ZNF385B: variants seen among roughly 807,000 people sequenced by gnomAD.
The protein encoded by ZNF385B is zinc finger protein 533.
A neutral mutation model predicts 39.2 loss-of-function variants in ZNF385B; 23 were observed. The observed-to-expected ratio is 0.59, with a 90% CI of 0.42 to 0.83. ZNF385B has a LOEUF of 0.83. ZNF385B is among the 40% of genes least tolerant of loss of function. The pLI is 0.00. For synonymous variants in ZNF385B, 205 were observed against 222.6 expected (o/e 0.92, Z 0.70); for missense variants, 552 against 598.9 (o/e 0.92, Z 0.82).
chr2:179,482,997 G>T (rs1212426558), intron 6 of ZNF385B, among the ~76,000 whole-genome samples: 2 of 151,150 alleles, frequency 1.3e-5, no homozygotes, highest in Non-Finnish European at 2.9e-5. Flanking sequence ...TGATCAAGTA[G>T]TCTCTACTTG....
chr2:179,491,554 A>C (rs568282925), intron 5 of ZNF385B, among the ~76,000 whole-genome samples: 1 of 152,326 alleles, frequency 6.6e-6, no homozygotes, highest in Non-Finnish European at 1.5e-5. Context: ...ACATAATCTT[A>C]AATATGAAAT....
intron 3 of ZNF385B, among the ~76,000 whole-genome samples, chr2:179,738,111 G>A (rs1701877121): frequency 6.6e-6 from 1 of 152,068 alleles, no homozygotes; most frequent in Non-Finnish European, 1.5e-5. Context: ...TGAGGTATCT[G>A]TACCATGTCC....
chr2:179,851,421 G>A (rs1684140837), intron 1 of ZNF385B, among the ~76,000 whole-genome samples: 1 of 152,200 alleles, frequency 6.6e-6, no homozygotes, highest in Non-Finnish European at 1.5e-5. Context: ...CTGCATTCCA[G>A]TCTGGGTGAC....
chr2:179,449,551 G>C (rs2049865586), intron 6 of ZNF385B, among the ~76,000 whole-genome samples: 3 of 152,150 alleles, frequency 2.0e-5, no homozygotes, highest in Non-Finnish European at 4.4e-5. Flanking sequence ...CAAGGGACAT[G>C]AAGGACCTCT....
chr2:179,519,185 C>G (rs2058310492), intron 4 of ZNF385B, among the ~76,000 whole-genome samples: 1 of 152,192 alleles, frequency 6.6e-6, no homozygotes, highest in African/African-American at 2.4e-5. Context: ...GGCAACAATA[C>G]TTAAGATGGC....
intron 4 of ZNF385B, among the ~76,000 whole-genome samples, chr2:179,542,709 AC>A (rs1300929364): frequency 2.0e-5 from 3 of 152,164 alleles, no homozygotes; most frequent in African/African-American, 7.2e-5. Context: ...CATTTTGATA[AC>A]AAAAAAAGTG....
intron 3 of ZNF385B, among the ~76,000 whole-genome samples, chr2:179,687,859 T>A (rs1469210764): frequency 1.3e-5 from 2 of 152,246 alleles, no homozygotes; most frequent in African/African-American, 4.8e-5. Context: ...AGTGAAAGTA[T>A]TTGTTCAATT....
chr2:179,647,941 G>A (rs184235287), intron 3 of ZNF385B, among the ~76,000 whole-genome samples: 42 of 152,262 alleles, frequency 2.8e-4, no homozygotes, highest in African/African-American at 9.1e-4. Context: ...GGTATAGTCT[G>A]CTTCACCATG....
chr2:179,770,365 G>A (rs1703944670), intron 2 of ZNF385B, among the ~76,000 whole-genome samples, 156 bp downstream of exon 2: 1 of 152,130 alleles, frequency 6.6e-6, no homozygotes, highest in Non-Finnish European at 1.5e-5. Flanking sequence ...TTGAAGAAAG[G>A]AATAAATGAT....
chr2:179,547,573 A>ATGTGTCTG (rs1316102916), intron 3 of ZNF385B, among the ~76,000 whole-genome samples: 1 of 149,124 alleles, frequency 6.7e-6, no homozygotes, highest in Non-Finnish European at 1.5e-5. Context: ...CCATTGGTCT[A>ATGTGTCTG]TGTGTCTGTT....
At chr2:179,762,448 T>A (rs911881530) in intron 3 of ZNF385B, among the ~76,000 whole-genome samples, 2 of 152,180 alleles carry the variant, frequency 1.3e-5, no homozygotes, top group African/African-American at 4.8e-5. Context: ...CACTTCAGCC[T>A]CCCAAAGTGC....
intron 3 of ZNF385B, among the ~76,000 whole-genome samples, chr2:179,611,413 A>AT (rs1317189913): frequency 2.1e-4 from 4 of 18,986 alleles, no homozygotes; most frequent in African/African-American, 1.1e-3. Context: ...ATCATGGATA[A>AT]TTTTTATCAT....
At chr2:179,836,974 G>A (rs539488541) in intron 1 of ZNF385B, among the ~76,000 whole-genome samples, 1 of 152,302 alleles carries the variant, frequency 6.6e-6, no homozygotes, top group African/African-American at 2.4e-5. Flanking sequence ...TAAACGATCA[G>A]AGGTGGGAAA....
At chr2:179,519,042 G>C (rs898652384) in intron 4 of ZNF385B, among the ~76,000 whole-genome samples, 1 of 152,122 alleles carries the variant, frequency 6.6e-6, no homozygotes, top group African/African-American at 2.4e-5. Flanking sequence ...ATGCAGTGGC[G>C]TGATCATAGT....
intron 3 of ZNF385B, among the ~76,000 whole-genome samples, chr2:179,753,076 T>C (rs1271459042): frequency 6.6e-6 from 1 of 152,226 alleles, no homozygotes; most frequent in Non-Finnish European, 1.5e-5. Flanking sequence ...GGTCTAACAT[T>C]TAAGTCTTTA....
At chr2:179,793,505 G>T (rs1705469082) in intron 1 of ZNF385B, among the ~76,000 whole-genome samples, 1 of 152,156 alleles carries the variant, frequency 6.6e-6, no homozygotes, top group South Asian at 2.1e-4. Context: ...GACTTCTCAT[G>T]AGGTCTGATG....
intron 3 of ZNF385B, among the ~76,000 whole-genome samples, chr2:179,639,281 T>C (rs1162666665): frequency 1.5e-5 from 2 of 129,438 alleles, no homozygotes; most frequent in South Asian, 2.7e-4. Context: ...AATGAAATGA[T>C]CAAAAATGGT....
At chr2:179,831,032 C>T (rs1707955422) in intron 1 of ZNF385B, among the ~76,000 whole-genome samples, 1 of 152,022 alleles carries the variant, frequency 6.6e-6, no homozygotes, top group African/African-American at 2.4e-5. Context: ...AAAATAAAGT[C>T]TATTACTTTT....
chr2:179,719,734 A>T (rs1700562912), intron 3 of ZNF385B, among the ~76,000 whole-genome samples: 1 of 152,234 alleles, frequency 6.6e-6, no homozygotes. Flanking sequence ...GCAGCAGCCT[A>T]GCTATTGCTT....
Sources: gnomAD v4.1 joint callset for allele counts (sites outside exome capture counted in the v4.1 genomes callset) on GRCh38, gnomAD v4.1.1 for gene constraint, MANE v1.5 for transcripts, NCBI Gene and HGNC (gene_info 2026-07-23, HGNC 2026-07-21) for gene names.